COQ8A: variants seen among roughly 807,000 people sequenced by gnomAD.
COQ8A encodes atypical kinase COQ8A, mitochondrial.
In COQ8A, 51 loss-of-function variants were observed where a neutral mutation model predicts 65.0. That is an observed-to-expected ratio of 0.78 (90% CI 0.63 to 0.99). The LOEUF is 0.99. Among genes scored for constraint, COQ8A ranks in the 50% least tolerant of loss-of-function variants. The probability of loss-of-function intolerance (pLI) is 0.00; values close to 1 mark genes in which losing one functional copy is unlikely to be tolerated. For synonymous variants in COQ8A, 371 were observed against 353.2 expected (o/e 1.05, Z -0.57); for missense variants, 940 against 875.0 (o/e 1.07, Z -0.94).
intron 1 of COQ8A, among the ~76,000 whole-genome samples, chr1:226,954,564 C>G (rs74739455): frequency 6.6e-6 from 1 of 152,244 alleles, no homozygotes; most frequent in Non-Finnish European, 1.5e-5. Flanking sequence ...TTGAGACGTT[C>G]GCAGCAGCTT....
In COQ8A at chr1:226,965,180, G is replaced by A. The variant is rs376347405; in HGVS notation, c.358G>A (p.Val120Met). ...CAGCGAGGGCCCAGCTCCTGCCTACGTGGCCAGTGGACCCTTTAGAGAAGC... is the reference window on the plus strand; with the variant it reads ...CAGCGAGGGCCCAGCTCCTGCCTACATGGCCAGTGGACCCTTTAGAGAAGC... ...AHSEGPAPAY[V>M]ASGPFREAGF... Residue 120 changes from valine to methionine, a missense_variant, in exon 3 of 15, where the codon GTG becomes ATG. Physicochemically the swap from Val to Met is conservative, Grantham distance 21. Transcript: ENST00000366777. 154 of 1,613,702 alleles carry A rather than the reference G, an allele frequency of 9.5e-5. No homozygotes were observed. The South Asian group carries it at 1.1e-3, about 12-fold the overall frequency.
chr1:226,944,449 G>A (rs1383535900), intron 1 of COQ8A, among the ~76,000 whole-genome samples: 3 of 151,876 alleles, frequency 2.0e-5, no homozygotes, highest in Non-Finnish European at 4.4e-5. Flanking sequence ...ATAGGTCAGG[G>A]GCAAGGTCTT....
chr1:226,987,007 C>G lies in COQ8A; in HGVS notation c.*270C>G, dbSNP rs576629697. ...TAAGCAGATGAAGATGAAAGGGCAACTTTGTTTTCTTCTTTTTCCTGATGT... is the reference window on the plus strand; with the variant it reads ...TAAGCAGATGAAGATGAAAGGGCAAGTTTGTTTTCTTCTTTTTCCTGATGT... On this transcript the variant is annotated 3_prime_UTR_variant, in exon 15 of 15. Coordinates refer to ENST00000366777, the MANE Select transcript of COQ8A (RefSeq NM_020247.5). 11 of 533,516 alleles carry G rather than the reference C, an allele frequency of 2.1e-5. No homozygotes were observed. Among genetic ancestry groups the G allele is most frequent in the Non-Finnish European group, 3.4e-5 (10 of 295,872 alleles). 33.0% of individuals were successfully genotyped at this position (533,516 alleles called of 1,614,324 possible).
At chr1:226,981,886 C>G (rs1659717260) in intron 5 of COQ8A, 141 bp from the exon 6 acceptor site, 1 of 1,292,794 alleles carries the variant, frequency 7.7e-7, no homozygotes, top group African/African-American at 1.5e-5. Flanking sequence ...GGACATGGAA[C>G]AGTAGTTAGT....
rs543084403 is a variant in COQ8A at position 226,965,119 on chromosome 1, C to T, written c.297C>T (p.Pro99=). Reference sequence around the variant, plus strand: ...CAGACTTCTCTTCAGCCTCCGCTCCCGACCAGTCAGCGCCCCCATCCCTGG... The same window carrying T: ...CAGACTTCTCTTCAGCCTCCGCTCCTGACCAGTCAGCGCCCCCATCCCTGG... The part of the protein sequence containing the change: ...ASTDFSSASA[P]DQSAPPSLGH... The change falls in exon 3 of 15, where the codon CCC becomes CCT. Residue 99 remains proline, a synonymous_variant. Transcript: ENST00000366777. 2.7e-5 allele frequency: 44 copies of T among 1,613,998 alleles called. No individual in the cohort carries two copies. In the South Asian group the frequency reaches 2.9e-4, roughly 10 times the overall value.
chr1:226,981,986 C>T (rs756788360), intron 5 of COQ8A, 41 bp from the exon 6 acceptor site: 7 of 1,611,076 alleles, frequency 4.3e-6, no homozygotes, highest in Non-Finnish European at 3.4e-6. Context: ...CACTCCCAGA[C>T]CCCCCCGAGT....
At position 226,952,711 on chromosome 1, in the gene COQ8A, C is replaced by T. The variant is rs868719336; in HGVS notation, c.-9-8666C>T. On this transcript the variant is annotated intron_variant, in intron 1 of 14. Coordinates refer to ENST00000366777, the MANE Select transcript of COQ8A (RefSeq NM_020247.5). ...ACAGGCGTGTGCCGCTTCACCCAAC[C>T]TGATATTATTTTTATAACATTTATT... Among the ~76,000 whole-genome samples, 19 of 152,246 alleles carry T rather than the reference C, an allele frequency of 1.2e-4. No individual in the cohort carries two copies. The Middle Eastern group carries it at 0.01, about 82-fold the overall frequency.
intron 2 of COQ8A, among the ~76,000 whole-genome samples, chr1:226,962,125 G>A (rs923989321): frequency 2.0e-5 from 3 of 152,208 alleles, no homozygotes; most frequent in South Asian, 2.1e-4. Flanking sequence ...AGCCTTCGAA[G>A]GCCCTTCCCA....
At chr1:226,979,435 G>C (rs1011852751) in intron 5 of COQ8A, among the ~76,000 whole-genome samples, 1 of 152,304 alleles carries the variant, frequency 6.6e-6, no homozygotes, top group Admixed American at 6.5e-5. Flanking sequence ...GTGGGGCCTG[G>C]GGTGTGGAGA....
chr1:226,974,281 C>T (rs758683463), intron 4 of COQ8A, among the ~76,000 whole-genome samples: 17 of 152,192 alleles, frequency 1.1e-4, no homozygotes, highest in Non-Finnish European at 2.2e-4. Flanking sequence ...TGCATAACTT[C>T]TCTCGGAGAA....
At chr1:226,958,432 C>T (rs913319512) in intron 1 of COQ8A, among the ~76,000 whole-genome samples, 10 of 152,120 alleles carry the variant, frequency 6.6e-5, no homozygotes, top group African/African-American at 2.2e-4. Flanking sequence ...TCCAGGTCGT[C>T]GCTTCCACTC....
At chr1:226,981,821 T>C (rs1373615007) in intron 5 of COQ8A, among the ~76,000 whole-genome samples, 1 of 152,172 alleles carries the variant, frequency 6.6e-6, no homozygotes, top group Non-Finnish European at 1.5e-5. Flanking sequence ...CCTGTGTGTA[T>C]TGGGAGGCGC....
chr1:226,960,359 G>GATGGTA (rs1558187319), intron 1 of COQ8A, among the ~76,000 whole-genome samples: 8 of 1,290 alleles, frequency 6.2e-3, no homozygotes, highest in Middle Eastern at 0.5. Context: ...TGGTGGTGGT[G>GATGGTA]CTTGGTGGTG....
rs376314702 is a variant in COQ8A, at chr1:226,982,776, G to A, written c.939+13G>A. ...GAAGCAGATGATGGTGAGGAGCCAG[G>A]GGCTCTGCCCACTCTCTGTGGCCTC... On this transcript the variant is annotated intron_variant, in intron 7 of 14. Coordinates refer to ENST00000366777, the MANE Select transcript of COQ8A (RefSeq NM_020247.5). 1.9e-6 allele frequency: 3 copies of A among 1,613,348 alleles called. No individual in the cohort carries two copies. The African/African-American group carries it at 4.0e-5, about 22-fold the overall frequency.
intron 9 of COQ8A, 28 bp from the exon 10 acceptor site, chr1:226,983,733 C>A: frequency 6.2e-7 from 1 of 1,612,984 alleles, no homozygotes; most frequent in Non-Finnish European, 8.5e-7. Context: ...AGCCCCCTTC[C>A]TCGCTGATGC....
At chr1:226,982,820 G>A in intron 7 of COQ8A, 57 bp downstream of exon 7, 1 of 1,612,900 alleles carries the variant, frequency 6.2e-7, no homozygotes, top group Non-Finnish European at 8.5e-7. Flanking sequence ...CTGGGTGGAG[G>A]GGACAGACTT....
At chr1:226,970,616 C>G (rs1459427619) in intron 4 of COQ8A, among the ~76,000 whole-genome samples, 1 of 152,130 alleles carries the variant, frequency 6.6e-6, no homozygotes, top group Non-Finnish European at 1.5e-5. Flanking sequence ...CTTTACGGTT[C>G]TTTTGGTGAT....
At position 226,986,994 on chromosome 1, in the gene COQ8A, G is replaced by A. The variant is rs1660158895; in HGVS notation, c.*257G>A. ...GTGTCCTCTGAAATAAGCAGATGAA[G>A]ATGAAAGGGCAACTTTGTTTTCTTC... On this transcript the variant is annotated 3_prime_UTR_variant, in exon 15 of 15. Transcript: ENST00000366777. 1 of 558,692 alleles carries A rather than the reference G, an allele frequency of 1.8e-6. No homozygotes were observed. The highest frequency in any genetic ancestry group is 3.1e-5 in the Admixed American group (1 of 31,746). 34.6% of individuals were successfully genotyped at this position (558,692 alleles called of 1,614,324 possible).
chr1:226,947,110 T>C (rs1378116453), intron 1 of COQ8A, among the ~76,000 whole-genome samples: 1 of 152,240 alleles, frequency 6.6e-6, no homozygotes, highest in African/African-American at 2.4e-5. Flanking sequence ...CTCAATTTTC[T>C]GTAACCAGGA....
Sources: gnomAD v4.1 joint callset for allele counts (sites outside exome capture counted in the v4.1 genomes callset) on GRCh38, gnomAD v4.1.1 for gene constraint, MANE v1.5 for transcripts, NCBI Gene and HGNC (gene_info 2026-07-23, HGNC 2026-07-21) for gene names.